The following LDAH variants were observed in gnomAD, a reference collection of about 807,000 sequenced individuals.
LDAH encodes lipid droplet associated hydrolase.
Under a neutral mutation model 29.6 loss-of-function variants are expected in LDAH, and 26 were observed. That is an observed-to-expected ratio of 0.88 (90% confidence interval 0.64 to 1.22). The LOEUF is 1.22. LDAH is among the 50% of genes most tolerant of loss of function. The pLI, the probability that LDAH is intolerant of heterozygous loss-of-function variation, is 0.00. For missense variants in LDAH, 344 were observed against 387.3 expected (o/e 0.89, Z 0.94); for synonymous variants, 117 against 133.0 (o/e 0.88, Z 0.83).
At chr2:20,792,723 A>G (rs1190608110) in intron 2 of LDAH, among the ~76,000 whole-genome samples, 3 of 152,186 alleles carry the variant, frequency 2.0e-5, no homozygotes, top group African/African-American at 7.2e-5. Flanking sequence ...CACTAAAGAT[A>G]ACCCCATGAT....
At chr2:20,821,308 C>T (rs1197431568) in intron 1 of LDAH, among the ~76,000 whole-genome samples, 64 of 152,334 alleles carry the variant, frequency 4.2e-4, no homozygotes, top group African/African-American at 1.5e-3. Flanking sequence ...TATAAAGACA[C>T]ATGCACATGT....
downstream of LDAH, among the ~76,000 whole-genome samples, chr2:20,683,266 C>T (rs995308114): frequency 3.9e-5 from 6 of 152,166 alleles, no homozygotes; most frequent in African/African-American, 1.2e-4. Context: ...GGGGCACAGG[C>T]AGGAATCTCA....
chr2:20,730,719 CTCTCCT>C (rs112375943), intron 5 of LDAH, among the ~76,000 whole-genome samples: 4,040 of 151,708 alleles, frequency 0.027, 182 homozygotes, highest in African/African-American at 0.092. Context: ...CTTTCTTCTT[CTCTCCT>C]TCTCCTTCTC....
At chr2:20,795,444 A>G (rs1164864859) in intron 2 of LDAH, among the ~76,000 whole-genome samples, 1 of 152,106 alleles carries the variant, frequency 6.6e-6, no homozygotes, top group Non-Finnish European at 1.5e-5. Flanking sequence ...GATACTTCAC[A>G]TGGTTCTGTT....
intron 3 of LDAH, among the ~76,000 whole-genome samples, chr2:20,785,463 A>G (rs1670482538): frequency 6.6e-6 from 1 of 152,138 alleles, no homozygotes. Flanking sequence ...TCCTCTGCCT[A>G]TTTTCAAGAT....
intron 6 of LDAH, among the ~76,000 whole-genome samples, chr2:20,699,175 A>T (rs1442385076): frequency 1.3e-5 from 2 of 152,236 alleles, no homozygotes; most frequent in African/African-American, 2.4e-5. Context: ...GTGTGGCTTG[A>T]TGACTATTCA....
At chr2:20,784,035 A>G (rs1386847637) in intron 3 of LDAH, among the ~76,000 whole-genome samples, 2 of 152,208 alleles carry the variant, frequency 1.3e-5, no homozygotes, top group Non-Finnish European at 2.9e-5. Flanking sequence ...CTTGTAGACA[A>G]CATATAGTTG....
chr2:20,781,315 G>A (rs1670177579), intron 3 of LDAH, among the ~76,000 whole-genome samples: 1 of 152,134 alleles, frequency 6.6e-6, no homozygotes, highest in South Asian at 2.1e-4. Flanking sequence ...TTATGATTGT[G>A]ATAATGTGGT....
chr2:20,719,435 C>T (rs1026387453), intron 5 of LDAH, among the ~76,000 whole-genome samples: 1 of 150,406 alleles, frequency 6.6e-6, no homozygotes, highest in African/African-American at 2.4e-5. Flanking sequence ...AAAATTGAAA[C>T]AAAGAAATAG....
At chr2:20,734,972 C>T (rs1443743750) in intron 5 of LDAH, among the ~76,000 whole-genome samples, 1 of 152,154 alleles carries the variant, frequency 6.6e-6, no homozygotes, top group Non-Finnish European at 1.5e-5. Context: ...TCCATGGATT[C>T]TGATGAAAAA....
intron 5 of LDAH, among the ~76,000 whole-genome samples, chr2:20,710,766 T>A (rs913300926): frequency 8.0e-5 from 12 of 149,632 alleles, no homozygotes; most frequent in Non-Finnish European, 1.2e-4. Flanking sequence ...TATACACATA[T>A]ATATGACTAT....
At chr2:20,733,759 G>C (rs995491157) in intron 5 of LDAH, among the ~76,000 whole-genome samples, 1 of 152,006 alleles carries the variant, frequency 6.6e-6, no homozygotes, top group African/African-American at 2.4e-5. Context: ...GGCTGGTCTA[G>C]AACTCCTGGG....
At chr2:20,781,927 T>G (rs2125044007) in intron 3 of LDAH, among the ~76,000 whole-genome samples, 1 of 152,258 alleles carries the variant, frequency 6.6e-6, no homozygotes, top group East Asian at 1.9e-4. Context: ...AACTCAATAG[T>G]ACACAAGCAG....
At chr2:20,745,542 A>G (rs1028761914) in intron 4 of LDAH, among the ~76,000 whole-genome samples, 8 of 152,214 alleles carry the variant, frequency 5.3e-5, no homozygotes, top group Non-Finnish European at 1.2e-4. Context: ...ACAACAAAAG[A>G]TAAGCATGTA....
At chr2:20,804,905 A>T (rs1389660522) in intron 1 of LDAH, among the ~76,000 whole-genome samples, 2 of 152,176 alleles carry the variant, frequency 1.3e-5, no homozygotes, top group Non-Finnish European at 2.9e-5. Context: ...TTACTTCACT[A>T]ATAAATGCCA....
intron 5 of LDAH, among the ~76,000 whole-genome samples, chr2:20,715,368 A>C (rs1326711766): frequency 6.6e-6 from 1 of 152,224 alleles, no homozygotes; most frequent in Non-Finnish European, 1.5e-5. Flanking sequence ...CTAGGTATTG[A>C]TGGAACGTAT....
intron 5 of LDAH, among the ~76,000 whole-genome samples, chr2:20,716,720 GTATATATACA>G (rs1414496088): frequency 1.5e-5 from 2 of 131,294 alleles, no homozygotes; most frequent in Admixed American, 8.1e-5. Flanking sequence ...AGAACTTTAA[GTATATATACA>G]TATATATATA....
chr2:20,689,130 T>C (rs1662811393), intron 6 of LDAH, among the ~76,000 whole-genome samples: 1 of 152,006 alleles, frequency 6.6e-6, no homozygotes, highest in Non-Finnish European at 1.5e-5. Flanking sequence ...AGAATGATGG[T>C]TTCCAGCTTC....
At chr2:20,804,264 T>G (rs1671916671) in intron 1 of LDAH, among the ~76,000 whole-genome samples, 1 of 152,186 alleles carries the variant, frequency 6.6e-6, no homozygotes, top group Admixed American at 6.5e-5. Flanking sequence ...AAATGGGAAA[T>G]TCCACACATT....
Sources: gnomAD v4.1 joint callset for allele counts (sites outside exome capture counted in the v4.1 genomes callset) on GRCh38, gnomAD v4.1.1 for gene constraint, MANE v1.5 for transcripts, NCBI Gene and HGNC (gene_info 2026-07-23, HGNC 2026-07-21) for gene names.